ATP6V1H: variants seen among roughly 807,000 people sequenced by gnomAD.
The protein encoded by ATP6V1H is V-type proton ATPase subunit H.
ATP6V1H carries 39 observed loss-of-function variants against 71.7 expected under a neutral mutation model. The ratio of observed to expected loss-of-function variants is 0.54; its 90% CI spans 0.42 to 0.71. The LOEUF (loss-of-function observed/expected upper bound fraction) is 0.71. Ranked by LOEUF, ATP6V1H falls within the 30% of genes least tolerant of loss-of-function variation. The pLI, the probability that ATP6V1H is intolerant of heterozygous loss-of-function variation, is 0.00. For synonymous variants in ATP6V1H, 192 were observed against 199.3 expected, an observed-to-expected ratio of 0.96 and a Z score of 0.31; for missense variants, 509 against 594.9, an observed-to-expected ratio of 0.86 and a Z score of 1.50.
chr8:53,731,832 T>G (rs769555916), intron 13 of ATP6V1H, among the ~76,000 whole-genome samples: 1 of 152,218 alleles, frequency 6.6e-6, no homozygotes, highest in South Asian at 2.1e-4. Flanking sequence ...GGAGCATCCC[T>G]GGGGGGGACT....
chr8:53,803,308 G>T (rs1022273119), intron 7 of ATP6V1H, among the ~76,000 whole-genome samples: 4 of 151,988 alleles, frequency 2.6e-5, no homozygotes, highest in African/African-American at 9.7e-5. Flanking sequence ...CTGCACTCTA[G>T]CCTGGGTGAC....
chr8:53,775,582 T>A (rs1434096514), intron 9 of ATP6V1H, among the ~76,000 whole-genome samples: 1 of 152,172 alleles, frequency 6.6e-6, no homozygotes, highest in African/African-American at 2.4e-5. Context: ...CCAGAGCAGC[T>A]AGATACAGAG....
At chr8:53,825,336 T>C (rs562516302) in intron 4 of ATP6V1H, among the ~76,000 whole-genome samples, 156 of 152,230 alleles carry the variant, frequency 1.0e-3, no homozygotes, top group African/African-American at 3.5e-3. Context: ...TGCCAGGCCT[T>C]GTTTTGATTT....
chr8:53,839,824 T>C, intron 2 of ATP6V1H: 1 of 985,456 alleles, frequency 1.0e-6, no homozygotes, highest in Non-Finnish European at 1.2e-6. Context: ...ATATCAATCA[T>C]GGGCTTCACA....
intron 13 of ATP6V1H, among the ~76,000 whole-genome samples, chr8:53,731,034 G>A (rs780074519): frequency 2.0e-5 from 3 of 152,138 alleles, no homozygotes; most frequent in East Asian, 1.9e-4. Flanking sequence ...AAGCCTCCAC[G>A]CGACTTCAAA....
At chr8:53,828,450 G>A (rs899607397) in intron 4 of ATP6V1H, among the ~76,000 whole-genome samples, 4 of 152,152 alleles carry the variant, frequency 2.6e-5, no homozygotes, top group Non-Finnish European at 5.9e-5. Flanking sequence ...AGCAACCACG[G>A]TCCGCATGCC....
intron 12 of ATP6V1H, among the ~76,000 whole-genome samples, chr8:53,747,668 T>C (rs541903529): frequency 2.6e-5 from 4 of 151,898 alleles, no homozygotes; most frequent in African/African-American, 9.7e-5. Context: ...GCCTCCCGAG[T>C]AGCTGGGATT....
rs1296382272 is a variant in ATP6V1H at position 53,821,206 on chromosome 8, A to G, written c.307-3676T>C. Among the ~76,000 whole-genome samples the G allele has an allele frequency of 1.3e-5, 2 of 151,400 alleles. 1 individual carries two copies. Among genetic ancestry groups the G allele is most frequent in the Non-Finnish European group, 2.9e-5 (2 of 67,880 alleles). On this transcript the variant is annotated intron_variant, in intron 4 of 13. Coordinates refer to ENST00000359530, the MANE Select transcript of ATP6V1H (RefSeq NM_015941.4). ...ACCAACATGGTAAAACTCCATCTCTACTAAAAATACAACAAAATTAGCTGG... is the reference window on the plus strand; with the variant it reads ...ACCAACATGGTAAAACTCCATCTCTGCTAAAAATACAACAAAATTAGCTGG...
chr8:53,794,940 C>T (rs754745406), intron 9 of ATP6V1H, among the ~76,000 whole-genome samples: 1 of 152,150 alleles, frequency 6.6e-6, no homozygotes, highest in Non-Finnish European at 1.5e-5. Context: ...TGGGACATGT[C>T]CACTATTACT....
At chr8:53,802,543 AC>A (rs544163218) in intron 7 of ATP6V1H, among the ~76,000 whole-genome samples, 1 of 152,006 alleles carries the variant, frequency 6.6e-6, no homozygotes, top group Admixed American at 6.6e-5. Context: ...ACCTGGTGAA[AC>A]CCCATATCTA....
intron 4 of ATP6V1H, among the ~76,000 whole-genome samples, chr8:53,817,895 G>A (rs995020241): frequency 6.6e-6 from 1 of 152,022 alleles, no homozygotes; most frequent in Non-Finnish European, 1.5e-5. Context: ...ATCGGAAAGG[G>A]AGCAGGAAGA....
chr8:53,797,976 T>C (rs1809796256), intron 8 of ATP6V1H, among the ~76,000 whole-genome samples: 1 of 152,172 alleles, frequency 6.6e-6, no homozygotes, highest in Non-Finnish European at 1.5e-5. Flanking sequence ...TAGCACTGCA[T>C]CTATAAATTA....
chr8:53,722,386 C>A (rs1806653985), intron 13 of ATP6V1H, among the ~76,000 whole-genome samples: 1 of 152,216 alleles, frequency 6.6e-6, no homozygotes, highest in Non-Finnish European at 1.5e-5. Flanking sequence ...CAACACAGGG[C>A]ATGACCCTAG....
At chr8:53,824,660 C>T (rs957463097) in intron 4 of ATP6V1H, among the ~76,000 whole-genome samples, 1 of 152,000 alleles carries the variant, frequency 6.6e-6, no homozygotes, top group South Asian at 2.1e-4. Flanking sequence ...CAGAAAATAA[C>T]AGCCTTTGAC....
intron 2 of ATP6V1H, among the ~76,000 whole-genome samples, chr8:53,834,062 G>A (rs1287899432): frequency 6.6e-6 from 1 of 152,106 alleles, no homozygotes; most frequent in African/African-American, 2.4e-5. Flanking sequence ...TAAAAGATGT[G>A]TCAGCAGAAC....
intron 9 of ATP6V1H, among the ~76,000 whole-genome samples, chr8:53,783,173 G>A: frequency 6.6e-6 from 1 of 151,898 alleles, no homozygotes; most frequent in East Asian, 1.9e-4. Flanking sequence ...ATCTGGTCCT[G>A]GACTTTTTTT....
At chr8:53,720,419 G>A (rs2130077118) in intron 13 of ATP6V1H, among the ~76,000 whole-genome samples, 1 of 152,334 alleles carries the variant, frequency 6.6e-6, no homozygotes, top group South Asian at 2.1e-4. Context: ...CAAGGCACAA[G>A]GTGCCTGAGG....
chr8:53,740,109 T>C (rs1006988855), intron 13 of ATP6V1H, among the ~76,000 whole-genome samples: 2 of 152,334 alleles, frequency 1.3e-5, no homozygotes, highest in African/African-American at 4.8e-5. Context: ...ATACTCCATA[T>C]GATATAAACT....
intron 9 of ATP6V1H, among the ~76,000 whole-genome samples, chr8:53,791,294 A>G (rs1788628243): frequency 6.6e-6 from 1 of 152,222 alleles, no homozygotes; most frequent in South Asian, 2.1e-4. Flanking sequence ...AGAAGGTGCC[A>G]TGCTTCAGTG....
Sources: allele counts gnomAD v4.1 joint callset (sites outside exome capture counted in the v4.1 genomes callset), GRCh38; gene constraint gnomAD v4.1.1; transcripts MANE v1.5; gene names NCBI Gene and HGNC (gene_info 2026-07-23, HGNC 2026-07-21).